FRMD4B: variants seen among roughly 807,000 people sequenced by gnomAD.
FRMD4B encodes the protein FERM domain-containing protein 4B.
In FRMD4B, 74 loss-of-function variants were observed where a neutral mutation model predicts 141.5. The observed-to-expected ratio is 0.52, with a 90% CI of 0.43 to 0.63. The LOEUF (loss-of-function observed/expected upper bound fraction) is 0.63. Ranked by LOEUF, FRMD4B falls within the 30% of genes least tolerant of loss-of-function variation. The pLI is 0.00. For synonymous variants in FRMD4B, 506 were observed against 467.9 expected, an observed-to-expected ratio of 1.08 and a Z score of -1.05; for missense variants, 1,366 against 1,253.4, an observed-to-expected ratio of 1.09 and a Z score of -1.36.
intron 1 of FRMD4B, among the ~76,000 whole-genome samples, chr3:69,496,668 A>AGG: frequency 6.7e-6 from 1 of 149,186 alleles, no homozygotes; most frequent in East Asian, 1.9e-4. Context: ...AGAGAGAGAG[A>AGG]GAGAGAGAGA....
intron 2 of FRMD4B, among the ~76,000 whole-genome samples, chr3:69,416,915 T>C (rs1704876802): frequency 6.6e-6 from 1 of 152,200 alleles, no homozygotes. Context: ...TATTCCATCA[T>C]GTATATATGC....
intron 1 of FRMD4B, among the ~76,000 whole-genome samples, chr3:69,341,687 A>G (rs572771342): frequency 6.6e-6 from 1 of 152,312 alleles, no homozygotes; most frequent in East Asian, 1.9e-4. Flanking sequence ...TAGTATTAAG[A>G]GGCAAGGCCT....
At chr3:69,215,982 C>G (rs548030217) in intron 11 of FRMD4B, among the ~76,000 whole-genome samples, 97 of 152,166 alleles carry the variant, frequency 6.4e-4, no homozygotes, top group African/African-American at 2.0e-3. Flanking sequence ...GGCAAAACCC[C>G]GTCTCTACTA....
At chr3:69,538,720 T>C (rs1475814341) in intron 1 of FRMD4B, among the ~76,000 whole-genome samples, 1 of 152,188 alleles carries the variant, frequency 6.6e-6, no homozygotes, top group Non-Finnish European at 1.5e-5. Context: ...AATAAGAGAT[T>C]TGGCTCCTAA....
chr3:69,279,734 C>T (rs2093635526), intron 5 of FRMD4B, among the ~76,000 whole-genome samples: 1 of 98,396 alleles, frequency 1.0e-5, no homozygotes, highest in South Asian at 5.3e-4. Flanking sequence ...TCCTCCTTCT[C>T]CTCTTCCCCT....
At chr3:69,390,489 C>G (rs1056099033), upstream of FRMD4B, among the ~76,000 whole-genome samples, 2 of 152,230 alleles carry the variant, frequency 1.3e-5, no homozygotes, top group Admixed American at 1.3e-4. Flanking sequence ...CAGGTAGAGG[C>G]CAGGGATGCC....
At chr3:69,522,094 T>A (rs1700862945) in intron 1 of FRMD4B, among the ~76,000 whole-genome samples, 2 of 152,138 alleles carry the variant, frequency 1.3e-5, no homozygotes, top group Non-Finnish European at 2.9e-5. Context: ...ATTCTTCGGA[T>A]ACAGTAAGGC....
At chr3:69,314,678 T>C (rs953071366) in intron 1 of FRMD4B, among the ~76,000 whole-genome samples, 1 of 151,640 alleles carries the variant, frequency 6.6e-6, no homozygotes, top group African/African-American at 2.4e-5. Context: ...CTACAAAAAA[T>C]ACAAAAATTA....
chr3:69,466,419 T>C (rs62252295), intron 1 of FRMD4B, among the ~76,000 whole-genome samples: 32,702 of 152,092 alleles, frequency 0.22, 4,005 homozygotes, highest in Non-Finnish European at 0.29. Context: ...TATTCTTAAA[T>C]GTTAAAGGTA....
At chr3:69,447,757 T>C (rs1289452537) in intron 1 of FRMD4B, among the ~76,000 whole-genome samples, 1 of 152,218 alleles carries the variant, frequency 6.6e-6, no homozygotes, top group East Asian at 1.9e-4. Context: ...CATTACGTAT[T>C]ACTTTTTCTA....
At chr3:69,227,955 C>G (rs2093270207) in intron 7 of FRMD4B, among the ~76,000 whole-genome samples, 1 of 152,200 alleles carries the variant, frequency 6.6e-6, no homozygotes, top group Non-Finnish European at 1.5e-5. Context: ...ACTTTTCATT[C>G]AGTTCTTCTG....
intron 5 of FRMD4B, among the ~76,000 whole-genome samples, chr3:69,270,018 T>C (rs1031289941): frequency 6.6e-6 from 1 of 152,040 alleles, no homozygotes; most frequent in East Asian, 1.9e-4. Context: ...TTCTCTTCTT[T>C]CTTTCTTTTT....
intron 7 of FRMD4B, among the ~76,000 whole-genome samples, chr3:69,247,538 G>A (rs1366961271): frequency 1.3e-5 from 2 of 152,198 alleles, no homozygotes; most frequent in African/African-American, 4.8e-5. Flanking sequence ...CCAGGCTGGA[G>A]TGCAGTGGCG....
chr3:69,414,961 G>T (rs927332734), intron 2 of FRMD4B, among the ~76,000 whole-genome samples: 2 of 150,674 alleles, frequency 1.3e-5, no homozygotes, highest in Non-Finnish European at 2.9e-5. Context: ...CGCCTCCCGG[G>T]TTCAAACGAT....
At chr3:69,421,721 A>G (rs1704985072) in intron 2 of FRMD4B, among the ~76,000 whole-genome samples, 1 of 152,232 alleles carries the variant, frequency 6.6e-6, no homozygotes, top group Non-Finnish European at 1.5e-5. Context: ...TCAACTGCTC[A>G]ATAGCCACAG....
chr3:69,212,359 C>CAAAAAAAAA (rs869309749), intron 11 of FRMD4B, among the ~76,000 whole-genome samples: 39 of 25,272 alleles, frequency 1.5e-3, no homozygotes, highest in East Asian at 5.0e-3. Context: ...AACCCCGTCT[C>CAAAAAAAAA]AAAAAAAAAA....
At chr3:69,451,994 G>C (rs1009597551) in intron 1 of FRMD4B, among the ~76,000 whole-genome samples, 7 of 152,304 alleles carry the variant, frequency 4.6e-5, no homozygotes, top group African/African-American at 1.7e-4. Context: ...GCATAATGGA[G>C]CTCTAAATAA....
Position 69,330,277 on chromosome 3 carries a change from C to CTT in FRMD4B, c.163-16762_163-16761dup, listed in dbSNP as rs60162383. Among the ~76,000 whole-genome samples, 22 of 109,524 alleles carry CTT rather than the reference C, an allele frequency of 2.0e-4. No homozygotes were observed. The South Asian group carries it at 3.9e-3, about 19-fold the overall frequency. The allele number at this position is 109,524 out of a possible 152,430, so 71.9% of individuals were successfully genotyped here. A position where few individuals can be genotyped will look rare whatever the true frequency, so the allele number is the denominator to read the frequency against. The stretch of plus-strand genomic sequence containing the variant: ...ATTGGCAGCTGAGTGACTCCTTTGT[C>CTT]TTTTTTTTTTTTTAATATTATATAT... On this transcript the variant is annotated intron_variant, in intron 1 of 22. Transcript: ENST00000398540.
At chr3:69,357,767 T>G (rs945730379) in intron 1 of FRMD4B, among the ~76,000 whole-genome samples, 1 of 152,214 alleles carries the variant, frequency 6.6e-6, no homozygotes, top group South Asian at 2.1e-4. Flanking sequence ...CAGCTGGGCA[T>G]AGCACTAAAC....
Sources: allele counts gnomAD v4.1 joint callset (sites outside exome capture counted in the v4.1 genomes callset), GRCh38; gene constraint gnomAD v4.1.1; transcripts MANE v1.5; gene names NCBI Gene and HGNC (gene_info 2026-07-23, HGNC 2026-07-21).